Variants in KSR2 observed in about 807,000 individuals in gnomAD.
The protein encoded by KSR2 is kinase suppressor of ras 2.
A neutral mutation model predicts 107.8 loss-of-function variants in KSR2; 25 were observed. The ratio of observed to expected loss-of-function variants is 0.23; its 90% confidence interval spans 0.17 to 0.32. The LOEUF (loss-of-function observed/expected upper bound fraction) is 0.32. KSR2 is among the 10% of genes least tolerant of loss of function. The probability of loss-of-function intolerance (pLI) is 1.00; values close to 1 mark genes in which losing one functional copy is unlikely to be tolerated. For missense variants in KSR2, 887 were observed against 1,268.9 expected, an observed-to-expected ratio of 0.70 and a Z score of 4.57; for synonymous variants, 480 against 507.0, an observed-to-expected ratio of 0.95 and a Z score of 0.71.
intron 7 of KSR2, among the ~76,000 whole-genome samples, chr12:117,574,090 C>T (rs967980939): frequency 6.6e-6 from 1 of 152,106 alleles, no homozygotes; most frequent in Non-Finnish European, 1.5e-5. Flanking sequence ...GTCCAAGGGC[C>T]AGCAGCCTCA....
At chr12:117,537,432 G>A (rs983467674) in intron 10 of KSR2, among the ~76,000 whole-genome samples, 5 of 152,062 alleles carry the variant, frequency 3.3e-5, no homozygotes, top group African/African-American at 9.7e-5. Context: ...ATAATCCAAG[G>A]AGCCCAGATT....
chr12:117,753,019 A>G (rs1352203268), intron 4 of KSR2, among the ~76,000 whole-genome samples: 1 of 152,244 alleles, frequency 6.6e-6, no homozygotes, highest in Admixed American at 6.5e-5. Context: ...ACAGCTCACT[A>G]TAAGGAATCA....
chr12:117,579,217 C>A lies in KSR2; in HGVS notation c.1242-15G>T. ...TGGTGGAAAACCTGTGGAAAAGAGACAGAAAATGTTCAAGGTTAAGGAAAT... is the reference window on the plus strand; with the variant it reads ...TGGTGGAAAACCTGTGGAAAAGAGAAAGAAAATGTTCAAGGTTAAGGAAAT... On this transcript the variant is annotated splice_polypyrimidine_tract_variant and intron_variant, in intron 6 of 19. Coordinates refer to ENST00000339824, the MANE Select transcript of KSR2 (RefSeq NM_173598.6). 1 of 1,597,882 alleles carries A rather than the reference C, an allele frequency of 6.3e-7. No homozygotes were observed. The highest frequency in any genetic ancestry group is 1.7e-5 in the Admixed American group (1 of 59,788).
rs375945369 is a variant in KSR2, at chr12:117,968,579, GGGA to G, written c.-327_-325del. On this transcript the variant is annotated 5_prime_UTR_variant, in exon 1 of 20. Coordinates refer to ENST00000339824, the MANE Select transcript of KSR2 (RefSeq NM_173598.6). ...TGATGTGATGCTGTCTGTACACTTAGGGAGGAGGAGGAGGAGGAAAAAGAAGAG... is the reference window on the plus strand; with the variant it reads ...TGATGTGATGCTGTCTGTACACTTAGGGAGGAGGAGGAGGAAAAAGAAGAG... The G allele has an allele frequency of 3.4e-4, 252 of 732,702 alleles. No homozygotes were observed. Among genetic ancestry groups the G allele is most frequent in the East Asian group, 4.8e-4 (9 of 18,620 alleles). 45.4% of individuals were successfully genotyped at this position (732,702 alleles called of 1,614,324 possible). A position where few individuals can be genotyped will look rare whatever the true frequency, so the allele number is the denominator to read the frequency against.
intron 7 of KSR2, among the ~76,000 whole-genome samples, chr12:117,575,787 G>A (rs971902607): frequency 6.6e-6 from 1 of 152,166 alleles, no homozygotes; most frequent in Non-Finnish European, 1.5e-5. Flanking sequence ...TGCACAAGAC[G>A]GAATAGGGAA....
intron 3 of KSR2, among the ~76,000 whole-genome samples, chr12:117,813,630 A>G (rs966057722): frequency 1.2e-4 from 19 of 152,172 alleles, no homozygotes; most frequent in Non-Finnish European, 2.1e-4. Context: ...CAGAAAGACA[A>G]CAAATAACAA....
intron 5 of KSR2, among the ~76,000 whole-genome samples, chr12:117,601,298 G>C (rs1035414350): frequency 2.8e-5 from 4 of 142,970 alleles, no homozygotes; most frequent in Admixed American, 2.1e-4. Context: ...AAGATCTTGG[G>C]GGGGGGGGTA....
At chr12:117,713,118 A>G (rs1272068879) in intron 4 of KSR2, among the ~76,000 whole-genome samples, 2 of 150,466 alleles carry the variant, frequency 1.3e-5, no homozygotes, top group Non-Finnish European at 3.0e-5. Flanking sequence ...ATACATATAG[A>G]TATATGTATA....
chr12:117,482,433 G>A (rs1872228440), intron 16 of KSR2, among the ~76,000 whole-genome samples: 1 of 152,186 alleles, frequency 6.6e-6, no homozygotes, highest in Non-Finnish European at 1.5e-5. Context: ...GCAGAATAAA[G>A]GATAAAAGCA....
At chr12:117,731,415 G>A (rs1169577383) in intron 4 of KSR2, among the ~76,000 whole-genome samples, 2 of 134,310 alleles carry the variant, frequency 1.5e-5, no homozygotes, top group Non-Finnish European at 3.2e-5. Flanking sequence ...CGGGAGGGAG[G>A]TGGGGGGCAG....
intron 1 of KSR2, among the ~76,000 whole-genome samples, chr12:117,880,371 G>A (rs1893987608): frequency 6.6e-6 from 1 of 152,080 alleles, no homozygotes; most frequent in African/African-American, 2.4e-5. Context: ...AGACGGTGCA[G>A]ACACAGAATA....
At position 117,849,710 on chromosome 12, in the gene KSR2, G is replaced by GAGAC. The variant is rs529678913; in HGVS notation, c.472+5714_472+5717dup. 3.2e-4 allele frequency among the ~76,000 whole-genome samples: 49 copies of GAGAC among 152,288 alleles called. 2 individuals are homozygous for GAGAC. The South Asian group carries it at 0.01, about 32-fold the overall frequency. On this transcript the variant is annotated intron_variant, in intron 3 of 19. Coordinates refer to ENST00000339824, the MANE Select transcript of KSR2 (RefSeq NM_173598.6). ...CCATCCTCTGAGAAAGAAAGAGAGA[G>GAGAC]AGACAGACAGACAGACACAGAGACA... is the stretch of plus-strand genomic sequence containing the variant.
At chr12:117,773,461 T>C (rs1382881857) in intron 3 of KSR2, among the ~76,000 whole-genome samples, 2 of 152,206 alleles carry the variant, frequency 1.3e-5, no homozygotes, top group East Asian at 3.9e-4. Context: ...CTTTGTCCCT[T>C]CCCATTAAAA....
intron 3 of KSR2, among the ~76,000 whole-genome samples, chr12:117,836,258 T>A (rs997534548): frequency 6.6e-6 from 1 of 152,146 alleles, no homozygotes; most frequent in Non-Finnish European, 1.5e-5. Context: ...GTACCCATCA[T>A]GGAGTGGACT....
chr12:117,595,351 CTTTTTTTTTT>C lies in KSR2; in HGVS notation c.1172-13002_1172-12993del, dbSNP rs71099060. Among the ~76,000 whole-genome samples the C allele has an allele frequency of 1.9e-3, 179 of 94,602 alleles. 1 individual carries two copies. In the South Asian group the frequency reaches 0.035, roughly 18 times the overall value. 62.1% of individuals were successfully genotyped at this position (94,602 alleles called of 152,430 possible). ...GCCCTAAACATTGCTAGATCAAATT[CTTTTTTTTTT>C]TTTTTTTTTTTTTTGAGACGGAGTC... On this transcript the variant is annotated intron_variant, in intron 5 of 19. Coordinates refer to ENST00000339824, the MANE Select transcript of KSR2 (RefSeq NM_173598.6).
Position 117,855,521 on chromosome 12 carries a change from C to G in KSR2, c.379G>C (p.Val127Leu). 1 of 1,614,022 alleles carries G rather than the reference C, an allele frequency of 6.2e-7. No individual in the cohort carries two copies. Among genetic ancestry groups the G allele is most frequent in the Non-Finnish European group, 8.5e-7 (1 of 1,179,882 alleles). Reference sequence around the variant, plus strand: ...CCGTATTTCTCCACAGTCTCGCACACCTGTTCATCCGTCATCTCCAAGAGG... The same window carrying G: ...CCGTATTTCTCCACAGTCTCGCACAGCTGTTCATCCGTCATCTCCAAGAGG... ...EDLLEMTDEQ[V>L]CETVEKYGAN... Residue 127 changes from valine to leucine, a missense_variant, in exon 3 of 20, where the codon GTG becomes CTG. Around this residue, in one of 8 missense-constraint regions of KSR2, gnomAD observed 399 missense variants for 479.5 expected, o/e 0.83. Transcript: ENST00000339824.
chr12:117,774,906 G>C (rs969685372), intron 3 of KSR2, among the ~76,000 whole-genome samples: 5 of 152,090 alleles, frequency 3.3e-5, no homozygotes, highest in African/African-American at 1.2e-4. Context: ...TATATGAATG[G>C]AATCCTACGC....
intron 1 of KSR2, among the ~76,000 whole-genome samples, chr12:117,914,576 C>T (rs955932552): frequency 1.3e-5 from 2 of 152,216 alleles, no homozygotes. Flanking sequence ...TCTCTATCAC[C>T]TAGGCTAGAA....
chr12:117,857,767 G>A (rs1593311195), intron 2 of KSR2, among the ~76,000 whole-genome samples: 2 of 152,292 alleles, frequency 1.3e-5, no homozygotes, highest in East Asian at 3.9e-4. Context: ...ACTTGCCTAA[G>A]GTCACACAGC....
Sources: gnomAD v4.1 joint callset for allele counts (sites outside exome capture counted in the v4.1 genomes callset) on GRCh38, gnomAD v4.1.1 for gene constraint, gnomAD v4.1.1 regional missense constraint, MANE v1.5 for transcripts, NCBI Gene and HGNC (gene_info 2026-07-23, HGNC 2026-07-21) for gene names.